Variants in GRIP1 observed in about 807,000 individuals in gnomAD.
GRIP1 encodes the protein glutamate receptor interacting protein 1.
Under a neutral mutation model 129.9 loss-of-function variants are expected in GRIP1, and 45 were observed. The observed-to-expected ratio is 0.35, with a 90% confidence interval of 0.27 to 0.44. The LOEUF (loss-of-function observed/expected upper bound fraction) is 0.44. Ranked by LOEUF, GRIP1 falls within the 20% of genes least tolerant of loss-of-function variation. The probability of loss-of-function intolerance (pLI) is 1.00; values close to 1 mark genes in which losing one functional copy is unlikely to be tolerated. For synonymous variants in GRIP1, 530 were observed against 520.8 expected, an observed-to-expected ratio of 1.02 and a Z score of -0.24; for missense variants, 1,196 against 1,396.8, an observed-to-expected ratio of 0.86 and a Z score of 2.29.
chr12:66,805,148 T>C (rs145761231), upstream of GRIP1, among the ~76,000 whole-genome samples: 1,160 of 152,274 alleles, frequency 7.6e-3, 56 homozygotes, highest in Admixed American at 0.058. Flanking sequence ...AGCTCAATTG[T>C]TACATTTTTA....
intron 1 of GRIP1, among the ~76,000 whole-genome samples, chr12:66,949,039 A>G (rs764362608): frequency 6.6e-6 from 1 of 152,190 alleles, no homozygotes; most frequent in Non-Finnish European, 1.5e-5. Context: ...GGAGCAAAAG[A>G]ACCTTACCTC....
intron 1 of GRIP1, among the ~76,000 whole-genome samples, chr12:67,003,771 A>G (rs2042586636): frequency 1.4e-5 from 2 of 138,526 alleles, no homozygotes; most frequent in Non-Finnish European, 3.0e-5. Flanking sequence ...TCTTTCTCCT[A>G]TCTATTTTTA....
chr12:66,681,565 T>C (rs530877518), upstream of GRIP1, among the ~76,000 whole-genome samples: 2 of 152,306 alleles, frequency 1.3e-5, no homozygotes, highest in African/African-American at 4.8e-5. Flanking sequence ...TAAGCATGTG[T>C]CTTTGGGACC....
At chr12:66,808,855 G>GC (rs11390615), upstream of GRIP1, among the ~76,000 whole-genome samples, 90,139 of 151,810 alleles carry the variant, frequency 0.59, 26,819 homozygotes, top group East Asian at 0.64. Flanking sequence ...AGGCATAAAT[G>GC]TTGTGAACAA....
At chr12:66,524,801 AT>A (rs1226549318) in intron 5 of GRIP1, among the ~76,000 whole-genome samples, 1 of 152,172 alleles carries the variant, frequency 6.6e-6, no homozygotes. Context: ...ATAAAGAAGA[AT>A]AGAGAGAAGA....
In GRIP1 at chr12:66,435,748, T is replaced by C. The variant is rs2058285206; in HGVS notation, c.1688-3120A>G. On this transcript the variant is annotated intron_variant, in intron 13 of 24. Transcript: ENST00000359742. ...CAGGGAAACTTGACCAAGATTAACA[T>C]TGTTAATGACACTGCAGGAGATATT... Among the ~76,000 whole-genome samples, 3 of 152,184 alleles carry C rather than the reference T, an allele frequency of 2.0e-5. No homozygotes were observed. In the South Asian group the frequency reaches 6.2e-4, roughly 32 times the overall value.
At chr12:67,003,973 C>T (rs1297570408) in intron 1 of GRIP1, among the ~76,000 whole-genome samples, 2 of 152,120 alleles carry the variant, frequency 1.3e-5, no homozygotes, top group Non-Finnish European at 2.9e-5. Context: ...AGTAGCTGCC[C>T]TGGCATTCCT....
chr12:67,059,354 G>T (rs961320979), intron 1 of GRIP1, among the ~76,000 whole-genome samples: 1 of 152,200 alleles, frequency 6.6e-6, no homozygotes, highest in Non-Finnish European at 1.5e-5. Context: ...GACATTCAAA[G>T]ATCAAATAGG....
chr12:66,698,902 A>G (rs2035255550), intron 1 of GRIP1, among the ~76,000 whole-genome samples: 1 of 152,292 alleles, frequency 6.6e-6, no homozygotes, highest in East Asian at 1.9e-4. Flanking sequence ...TCATATTTTC[A>G]TAAGTGGGGA....
At chr12:67,036,813 C>T (rs560120177) in intron 1 of GRIP1, among the ~76,000 whole-genome samples, 78 of 152,148 alleles carry the variant, frequency 5.1e-4, no homozygotes, top group Non-Finnish European at 5.4e-4. Flanking sequence ...GTCCTGAAGA[C>T]TTGACTTCTC....
intron 1 of GRIP1, among the ~76,000 whole-genome samples, chr12:67,030,242 GA>G (rs1177173217): frequency 1.4e-5 from 2 of 140,030 alleles, no homozygotes; most frequent in Admixed American, 7.1e-5. Flanking sequence ...TAATAATATT[GA>G]AAAAAATCAA....
intron 1 of GRIP1, among the ~76,000 whole-genome samples, chr12:67,062,800 T>G (rs1004936947): frequency 6.6e-6 from 1 of 152,218 alleles, no homozygotes; most frequent in Non-Finnish European, 1.5e-5. Context: ...TTTGTTTTCA[T>G]GAGAGCTGGG....
chr12:67,059,999 T>C (rs547462354), intron 1 of GRIP1, among the ~76,000 whole-genome samples: 28 of 152,142 alleles, frequency 1.8e-4, no homozygotes, highest in African/African-American at 6.3e-4. Flanking sequence ...AGGTAGTGAG[T>C]TTCACCCTGA....
At chr12:66,459,727 C>A (rs2059078568) in intron 9 of GRIP1, among the ~76,000 whole-genome samples, 1 of 152,106 alleles carries the variant, frequency 6.6e-6, no homozygotes, top group Admixed American at 6.5e-5. Context: ...AAACTGTATG[C>A]CATGGATGAT....
chr12:66,602,220 T>C (rs1030802771), intron 1 of GRIP1, among the ~76,000 whole-genome samples: 2 of 152,190 alleles, frequency 1.3e-5, no homozygotes, highest in African/African-American at 4.8e-5. Flanking sequence ...TGGTTGCTTC[T>C]CTCCCATAGA....
rs1262229767 is a variant in GRIP1 at position 66,914,073 on chromosome 12, C to T, written c.58+154977G>A. Reference sequence around the variant, plus strand: ...ATCCCTGTTTAACCAATGAGGAATGCTCTACAGACTACAGAAGGACACTAT... The same window carrying T: ...ATCCCTGTTTAACCAATGAGGAATGTTCTACAGACTACAGAAGGACACTAT... On this transcript the variant is annotated intron_variant, in intron 1 of 1. Transcript: ENST00000643019. 3.3e-5 allele frequency among the ~76,000 whole-genome samples: 5 copies of T among 152,238 alleles called. No homozygotes were observed. In the East Asian group the frequency reaches 9.7e-4, roughly 29 times the overall value.
At chr12:66,932,813 C>T (rs957703177) in intron 1 of GRIP1, among the ~76,000 whole-genome samples, 2 of 152,000 alleles carry the variant, frequency 1.3e-5, no homozygotes, top group African/African-American at 2.4e-5. Flanking sequence ...GGACTGCAGG[C>T]GCCTGCCACC....
chr12:66,857,230 G>A (rs1002074785), intron 1 of GRIP1, among the ~76,000 whole-genome samples: 1 of 151,786 alleles, frequency 6.6e-6, no homozygotes, highest in Non-Finnish European at 1.5e-5. Flanking sequence ...TTGTGGGGTG[G>A]GGGGAAGGGG....
At chr12:66,575,066 C>T (rs1247568726) in intron 2 of GRIP1, among the ~76,000 whole-genome samples, 1 of 152,144 alleles carries the variant, frequency 6.6e-6, no homozygotes, top group Non-Finnish European at 1.5e-5. Context: ...GCCACCGTGC[C>T]CGGCCTCCAT....
Sources: allele counts gnomAD v4.1 joint callset (sites outside exome capture counted in the v4.1 genomes callset), GRCh38; gene constraint gnomAD v4.1.1; transcripts MANE v1.5; gene names NCBI Gene and HGNC (gene_info 2026-07-23, HGNC 2026-07-21).